The following LRRC4C variants were observed in gnomAD, a reference collection of about 807,000 sequenced individuals.
LRRC4C encodes leucine-rich repeat-containing protein 4C.
In LRRC4C, 5 loss-of-function variants were observed where a neutral mutation model predicts 33.6. That is an observed-to-expected ratio of 0.15 (90% CI 0.08 to 0.31). The LOEUF is 0.31. LRRC4C is among the 10% of genes least tolerant of loss of function. The pLI is 1.00. For synonymous variants in LRRC4C, 329 were observed against 302.0 expected, an observed-to-expected ratio of 1.09 and a Z score of -0.93; for missense variants, 560 against 796.7, an observed-to-expected ratio of 0.70 and a Z score of 3.58.
At chr11:41,139,784 G>C (rs1279256312) in intron 1 of LRRC4C, among the ~76,000 whole-genome samples, 1 of 152,106 alleles carries the variant, frequency 6.6e-6, no homozygotes, top group African/African-American at 2.4e-5. Context: ...AACACTTAGA[G>C]CAAATCTGCT....
At chr11:41,418,113 C>A (rs945553069) in intron 1 of LRRC4C, among the ~76,000 whole-genome samples, 1 of 151,838 alleles carries the variant, frequency 6.6e-6, no homozygotes, top group Non-Finnish European at 1.5e-5. Flanking sequence ...TTCATGTCTG[C>A]CATAACCTGT....
At chr11:40,894,726 A>G (rs1955862461) in intron 2 of LRRC4C, among the ~76,000 whole-genome samples, 1 of 152,120 alleles carries the variant, frequency 6.6e-6, no homozygotes, top group Admixed American at 6.5e-5. Context: ...GTTTCTGCCA[A>G]TGGATATTTC....
intron 1 of LRRC4C, among the ~76,000 whole-genome samples, chr11:41,217,956 T>G (rs573581279): frequency 6.6e-6 from 1 of 152,346 alleles, no homozygotes; most frequent in South Asian, 2.1e-4. Flanking sequence ...ATCTTCTTAG[T>G]GAATTCCACT....
chr11:40,671,052 T>C (rs993463922), intron 2 of LRRC4C, among the ~76,000 whole-genome samples: 6 of 152,192 alleles, frequency 3.9e-5, no homozygotes, highest in South Asian at 2.1e-4. Context: ...CATGAGCCAC[T>C]GCGCCTGGCC....
intron 1 of LRRC4C, among the ~76,000 whole-genome samples, chr11:41,046,584 C>A (rs1302771277): frequency 2.0e-5 from 3 of 152,100 alleles, no homozygotes; most frequent in African/African-American, 4.8e-5. Context: ...CTCTTTAGAT[C>A]CCTCGCTTAC....
chr11:40,678,079 G>T (rs992110048), intron 2 of LRRC4C, among the ~76,000 whole-genome samples: 1 of 151,766 alleles, frequency 6.6e-6, no homozygotes, highest in Admixed American at 6.6e-5. Context: ...ACTATCTTGG[G>T]GGTAGGGTGG....
chr11:40,855,606 C>A (rs1014294646), intron 2 of LRRC4C, among the ~76,000 whole-genome samples: 1 of 151,986 alleles, frequency 6.6e-6, no homozygotes, highest in African/African-American at 2.4e-5. Flanking sequence ...AGTAATTAAC[C>A]CAACCCTAAT....
At chr11:40,856,849 T>A (rs538668712) in intron 2 of LRRC4C, among the ~76,000 whole-genome samples, 8 of 152,244 alleles carry the variant, frequency 5.3e-5, no homozygotes, top group African/African-American at 1.9e-4. Flanking sequence ...CATTCTAGTG[T>A]TTTTATCTGT....
chr11:40,734,087 T>C (rs541582054), intron 2 of LRRC4C, among the ~76,000 whole-genome samples: 1 of 152,228 alleles, frequency 6.6e-6, no homozygotes, highest in South Asian at 2.1e-4. Context: ...GTCAGAAAAC[T>C]AAATCTTTTA....
intron 1 of LRRC4C, among the ~76,000 whole-genome samples, chr11:41,203,225 G>A (rs1007063360): frequency 6.6e-6 from 1 of 152,152 alleles, no homozygotes; most frequent in Non-Finnish European, 1.5e-5. Flanking sequence ...CAGACAAAAT[G>A]GATGATTCAG....
chr11:40,927,089 T>G (rs1017424699), intron 2 of LRRC4C, among the ~76,000 whole-genome samples: 1 of 152,164 alleles, frequency 6.6e-6, no homozygotes, highest in African/African-American at 2.4e-5. Flanking sequence ...TTAAAGAATA[T>G]TATCAGTCAG....
intron 1 of LRRC4C, among the ~76,000 whole-genome samples, chr11:41,206,750 C>T (rs1370676988): frequency 6.6e-6 from 1 of 152,130 alleles, no homozygotes; most frequent in Non-Finnish European, 1.5e-5. Context: ...TCTTCTTTAA[C>T]TGTTACTGCT....
intron 1 of LRRC4C, among the ~76,000 whole-genome samples, chr11:41,431,216 T>C (rs1233796885): frequency 2.0e-5 from 3 of 152,132 alleles, no homozygotes; most frequent in African/African-American, 4.8e-5. Context: ...CATGAGGTAC[T>C]ATTGAAACAC....
chr11:41,273,383 A>G (rs1339240391), intron 1 of LRRC4C, among the ~76,000 whole-genome samples: 1 of 152,186 alleles, frequency 6.6e-6, no homozygotes, highest in African/African-American at 2.4e-5. Flanking sequence ...ATAATAAAAT[A>G]TGTGGATACA....
intron 5 of LRRC4C, among the ~76,000 whole-genome samples, chr11:40,189,112 C>T (rs1348700316): frequency 6.6e-6 from 1 of 152,124 alleles, no homozygotes; most frequent in Admixed American, 6.5e-5. Flanking sequence ...TTAGGTCACC[C>T]ACCTGAAACT....
At chr11:40,428,977 T>C (rs1033690825) in intron 3 of LRRC4C, among the ~76,000 whole-genome samples, 6 of 152,192 alleles carry the variant, frequency 3.9e-5, no homozygotes, top group Non-Finnish European at 8.8e-5. Flanking sequence ...CACTTATTAA[T>C]GAAAGTCTTA....
intron 3 of LRRC4C, among the ~76,000 whole-genome samples, chr11:40,454,140 C>T (rs376549080): frequency 4.6e-5 from 7 of 150,848 alleles, no homozygotes; most frequent in Middle Eastern, 3.4e-3. Context: ...AGTGTTTCCC[C>T]AATATAATTA....
At chr11:40,689,624 G>A (rs1304308200) in intron 2 of LRRC4C, among the ~76,000 whole-genome samples, 1 of 151,916 alleles carries the variant, frequency 6.6e-6, no homozygotes, top group African/African-American at 2.4e-5. Context: ...AATATTTACA[G>A]GAAAAATCAA....
At chr11:40,932,757 AG>A (rs1942288000) in intron 2 of LRRC4C, among the ~76,000 whole-genome samples, 1 of 152,156 alleles carries the variant, frequency 6.6e-6, no homozygotes, top group African/African-American at 2.4e-5. Flanking sequence ...TTTGAAACTA[AG>A]GAAGTCAGGG....
Sources: allele counts gnomAD v4.1 joint callset (sites outside exome capture counted in the v4.1 genomes callset), GRCh38; gene constraint gnomAD v4.1.1; transcripts MANE v1.5; gene names NCBI Gene and HGNC (gene_info 2026-07-23, HGNC 2026-07-21).